Variants in FAR2 observed in about 807,000 individuals in gnomAD.
The protein encoded by FAR2 is epididymis secretory protein Li 81.
Under a neutral mutation model 56.0 loss-of-function variants are expected in FAR2, and 19 were observed. The observed-to-expected ratio is 0.34, with a 90% CI of 0.24 to 0.50. The LOEUF is 0.50. Ranked by LOEUF, FAR2 falls within the 20% of genes least tolerant of loss-of-function variation. The pLI, the probability that FAR2 is intolerant of heterozygous loss-of-function variation, is 0.98. For missense variants in FAR2, 508 were observed against 642.2 expected (o/e 0.79, Z 2.26); for synonymous variants, 219 against 218.8 (o/e 1.00, Z -0.01).
chr12:29,293,308 G>A lies in FAR2; in HGVS notation c.198G>A (p.Glu66=). ...VFQILDSKLF[E]KVKEVCPNVH... ...CTATATTTATGTTTCAGCTATTTGA[G>A]AAAGTCAAAGAAGTTTGTCCAAATG... is the stretch of plus-strand genomic sequence containing the variant. Residue 66 remains glutamate, a synonymous_variant, in exon 3 of 12, where the codon GAG becomes GAA. Transcript: ENST00000536681. 1 of 1,573,894 alleles carries A rather than the reference G, an allele frequency of 6.4e-7. No individual in the cohort carries two copies. Among genetic ancestry groups the A allele is most frequent in the Non-Finnish European group, 8.6e-7 (1 of 1,163,048 alleles).
At chr12:29,323,089 C>A (rs1184397061) in intron 10 of FAR2, among the ~76,000 whole-genome samples, 4 of 152,382 alleles carry the variant, frequency 2.6e-5, no homozygotes, top group South Asian at 4.1e-4. Flanking sequence ...TAACAAATGG[C>A]ACACCATGTG....
chr12:29,279,086 C>A (rs1386820517), intron 2 of FAR2, among the ~76,000 whole-genome samples: 1 of 152,218 alleles, frequency 6.6e-6, no homozygotes, highest in Non-Finnish European at 1.5e-5. Flanking sequence ...CATATGTCAG[C>A]TTGGGCATCC....
At chr12:29,297,501 T>C (rs1467750538) in intron 4 of FAR2, among the ~76,000 whole-genome samples, 6 of 152,164 alleles carry the variant, frequency 3.9e-5, no homozygotes, top group Admixed American at 2.6e-4. Flanking sequence ...GCATTGTCAC[T>C]GGATAAAGCA....
intron 1 of FAR2, among the ~76,000 whole-genome samples, chr12:29,269,433 T>C (rs1948577142): frequency 6.6e-6 from 1 of 152,214 alleles, no homozygotes; most frequent in Non-Finnish European, 1.5e-5. Context: ...CTAGATTTCA[T>C]ATTGCTCAAA....
At chr12:29,214,776 GCA>G (rs1275354597) in intron 1 of FAR2, among the ~76,000 whole-genome samples, 1 of 151,818 alleles carries the variant, frequency 6.6e-6, no homozygotes, top group Non-Finnish European at 1.5e-5. Flanking sequence ...AGCCAAGATT[GCA>G]CCATTGCATT....
chr12:29,286,479 C>T (rs559066769), intron 2 of FAR2, among the ~76,000 whole-genome samples: 2 of 152,240 alleles, frequency 1.3e-5, no homozygotes, highest in African/African-American at 4.8e-5. Context: ...AGTGTTTTTT[C>T]CATCCTCTAG....
chr12:29,193,419 C>A (rs10771493), intron 1 of FAR2, among the ~76,000 whole-genome samples: 78,171 of 152,038 alleles, frequency 0.51, 20,558 homozygotes, highest in Admixed American at 0.62. Context: ...CTCTCCCTAA[C>A]CCCTAGCAAC....
intron 2 of FAR2, among the ~76,000 whole-genome samples, chr12:29,277,135 G>A (rs138802395): frequency 2.6e-4 from 39 of 152,150 alleles, no homozygotes; most frequent in Admixed American, 1.6e-3. Flanking sequence ...CTGCCACCGC[G>A]CCTGGCTAAT....
At chr12:29,204,678 A>G (rs1947458962) in intron 1 of FAR2, among the ~76,000 whole-genome samples, 1 of 152,110 alleles carries the variant, frequency 6.6e-6, no homozygotes, top group South Asian at 2.1e-4. Context: ...TGCAGGAAGC[A>G]TATTGGCTTC....
chr12:29,207,585 G>A (rs1052905450), intron 1 of FAR2, among the ~76,000 whole-genome samples: 7 of 152,012 alleles, frequency 4.6e-5, no homozygotes, highest in South Asian at 2.1e-4. Context: ...GTTTGTTCTC[G>A]TTTCTCTGAT....
intron 1 of FAR2, among the ~76,000 whole-genome samples, chr12:29,244,973 T>C (rs1250633721): frequency 6.6e-6 from 1 of 152,006 alleles, no homozygotes; most frequent in East Asian, 1.9e-4. Context: ...AACACGCCAG[T>C]TTCTGTCCGC....
At chr12:29,175,744 G>A (rs1055814714) in intron 1 of FAR2, among the ~76,000 whole-genome samples, 7 of 152,048 alleles carry the variant, frequency 4.6e-5, no homozygotes, top group South Asian at 2.1e-4. Flanking sequence ...TGATTGGTGC[G>A]TTTACAATCC....
chr12:29,161,722 C>T (rs1203255532), intron 1 of FAR2, among the ~76,000 whole-genome samples: 2 of 152,226 alleles, frequency 1.3e-5, no homozygotes, highest in East Asian at 1.9e-4. Context: ...CCAAAGTGAT[C>T]GTTCAAGTAA....
chr12:29,179,374 T>C (rs969200360), intron 1 of FAR2, among the ~76,000 whole-genome samples: 6 of 152,178 alleles, frequency 3.9e-5, no homozygotes, highest in Non-Finnish European at 7.3e-5. Context: ...TTGGGCTAGG[T>C]AGTTCAGAGA....
rs1282638368 is a variant in FAR2, at chr12:29,309,275, A to G, written c.768+45A>G. The G allele has an allele frequency of 3.5e-6, 5 of 1,438,318 alleles. No homozygotes were observed. The African/African-American group carries it at 5.6e-5, about 16-fold the overall frequency. 89.1% of individuals were successfully genotyped at this position (1,438,318 alleles called of 1,614,324 possible). On this transcript the variant is annotated intron_variant, in intron 6 of 11. Transcript: ENST00000536681. ...AATAACTCCCTGAAATGTAGTAGAG[A>G]AATAGTAACAAAATTCTTAGTGCTG...
At chr12:29,171,512 G>C (rs1949885649) in intron 1 of FAR2, 1 of 150,826 alleles carries the variant, frequency 6.6e-6, no homozygotes, top group Admixed American at 6.6e-5. Flanking sequence ...GGGAAGTGTG[G>C]AGCGCCTCTG....
At chr12:29,308,060 G>C in intron 5 of FAR2, 1 of 425,480 alleles carries the variant, frequency 2.4e-6, no homozygotes, top group Non-Finnish European at 4.2e-6. Context: ...GTTGGACGGA[G>C]AGCTTAAATT....
At chr12:29,278,235 T>C (rs7311081) in intron 2 of FAR2, among the ~76,000 whole-genome samples, 86,462 of 151,604 alleles carry the variant, frequency 0.57, 25,452 homozygotes, top group African/African-American at 0.72. Context: ...CTGGTTTATA[T>C]ATATTTTCAA....
chr12:29,200,954 G>T (rs781252113), intron 1 of FAR2, among the ~76,000 whole-genome samples: 1 of 152,146 alleles, frequency 6.6e-6, no homozygotes, highest in Non-Finnish European at 1.5e-5. Flanking sequence ...AGCTGGACTG[G>T]CAGAGGAGAA....
Sources: allele counts gnomAD v4.1 joint callset (sites outside exome capture counted in the v4.1 genomes callset), GRCh38; gene constraint gnomAD v4.1.1; transcripts MANE v1.5; gene names NCBI Gene and HGNC (gene_info 2026-07-23, HGNC 2026-07-21).